CCDC90B: variants seen among roughly 807,000 people sequenced by gnomAD.
CCDC90B encodes coiled-coil domain containing 90B.
Under a neutral mutation model 37.0 loss-of-function variants are expected in CCDC90B, and 24 were observed. The ratio of observed to expected loss-of-function variants is 0.65; its 90% CI spans 0.47 to 0.91. The LOEUF (loss-of-function observed/expected upper bound fraction) is 0.91, where lower values mean the gene tolerates loss of function less well. Ranked by LOEUF, CCDC90B falls within the 40% of genes least tolerant of loss-of-function variation. The pLI is 0.00. For missense variants in CCDC90B, 319 were observed against 299.0 expected (o/e 1.07, Z -0.49); for synonymous variants, 113 against 101.1 (o/e 1.12, Z -0.71).
At chr11:83,285,827 T>G in intron 1 of CCDC90B, 46 bp downstream of exon 1, 1 of 1,574,054 alleles carries the variant, frequency 6.4e-7, no homozygotes, top group Non-Finnish European at 8.6e-7. Flanking sequence ...GGGCATCGTC[T>G]CCCTAGAGAG....
At chr11:83,275,694 C>A (rs1436373259) in intron 3 of CCDC90B, among the ~76,000 whole-genome samples, 1 of 152,090 alleles carries the variant, frequency 6.6e-6, no homozygotes, top group Non-Finnish European at 1.5e-5. Context: ...CTCTGTATAA[C>A]AGTTTAGAAA....
chr11:83,271,622 C>G (rs1024961813), intron 7 of CCDC90B, among the ~76,000 whole-genome samples: 16 of 152,212 alleles, frequency 1.1e-4, no homozygotes, highest in Non-Finnish European at 2.4e-4. Context: ...ACAACAGATG[C>G]TGGAGAGGAT....
chr11:83,266,589 C>G (rs1389879804), intron 7 of CCDC90B, among the ~76,000 whole-genome samples: 2 of 152,196 alleles, frequency 1.3e-5, no homozygotes, highest in Non-Finnish European at 2.9e-5. Context: ...AGTAGGTAAA[C>G]AAAGTGGCAG....
intron 3 of CCDC90B, among the ~76,000 whole-genome samples, chr11:83,277,267 A>C (rs1565216938): frequency 6.6e-6 from 1 of 152,228 alleles, no homozygotes; most frequent in African/African-American, 2.4e-5. Context: ...TATTAAAAGT[A>C]TCAGTAGCTC....
chr11:83,259,299 C>G lies in CCDC90B; in HGVS notation c.*2612G>C, dbSNP rs2135572548. Reference sequence around the variant, plus strand: ...ATCCTTATTTCATATATTTCCATCACTGAAACAAAAATTTACCTGAACCCC... The same window carrying G: ...ATCCTTATTTCATATATTTCCATCAGTGAAACAAAAATTTACCTGAACCCC... On this transcript the variant is annotated 3_prime_UTR_variant, in exon 9 of 9. Coordinates refer to ENST00000529689, the MANE Select transcript of CCDC90B (RefSeq NM_021825.5). The G allele has an allele frequency of 6.6e-6, 1 of 152,200 alleles. No homozygotes were observed. Among genetic ancestry groups the G allele is most frequent in the South Asian group, 2.1e-4 (1 of 4,820 alleles). The allele number at this position is 152,200 out of a possible 1,614,324, so 9.4% of individuals were successfully genotyped here.
intron 1 of CCDC90B, 133 bp downstream of exon 1, chr11:83,285,740 G>C: frequency 6.9e-7 from 1 of 1,455,880 alleles, no homozygotes; most frequent in Non-Finnish European, 9.0e-7. Flanking sequence ...CAGCGGCGTC[G>C]CCCAGCACAA....
At chr11:83,273,617 CAA>C (rs760085416) in intron 7 of CCDC90B, 28 bp downstream of exon 7, 2 of 1,524,516 alleles carry the variant, frequency 1.3e-6, no homozygotes, top group Non-Finnish European at 1.8e-6. Flanking sequence ...AAGAACTGTA[CAA>C]AAGAGACATT....
At chr11:83,264,465 T>C (rs1464796849) in intron 8 of CCDC90B, among the ~76,000 whole-genome samples, 1 of 152,160 alleles carries the variant, frequency 6.6e-6, no homozygotes, top group East Asian at 1.9e-4. Flanking sequence ...TATGAATAAT[T>C]TATAATGAAA....
intron 1 of CCDC90B, chr11:83,285,546 A>AG (rs1445292508): frequency 2.8e-5 from 33 of 1,197,154 alleles, no homozygotes; most frequent in Admixed American, 8.7e-5. Context: ...CCTCAAACAC[A>AG]GATTACCTTA....
chr11:83,264,493 TTTTC>T (rs1160422155), intron 8 of CCDC90B, among the ~76,000 whole-genome samples: 1 of 152,114 alleles, frequency 6.6e-6, no homozygotes, highest in African/African-American at 2.4e-5. Context: ...TTGAAAATTC[TTTTC>T]TTTAAGAATG....
chr11:83,274,140 T>C (rs1864876844), intron 4 of CCDC90B, 148 bp from the exon 5 acceptor site: 2 of 466,808 alleles, frequency 4.3e-6, no homozygotes, highest in South Asian at 8.0e-5. Context: ...CAAAAGAAAC[T>C]AGTAAGCCAC....
intron 1 of CCDC90B, among the ~76,000 whole-genome samples, chr11:83,282,032 G>A (rs1865412301): frequency 1.3e-5 from 2 of 152,132 alleles, no homozygotes; most frequent in African/African-American, 4.8e-5. Flanking sequence ...AGCTTGTCGA[G>A]AACACTTACG....
chr11:83,275,053 A>G (rs991093761), intron 3 of CCDC90B, among the ~76,000 whole-genome samples: 4 of 152,164 alleles, frequency 2.6e-5, no homozygotes, highest in African/African-American at 9.7e-5. Context: ...TTTTTTGAAT[A>G]CCCAGATGGA....
chr11:83,274,643 T>C lies in CCDC90B; in HGVS notation c.422A>G (p.Asn141Ser), dbSNP rs765221940. ...ATAAATTAAAATTTGTATCACCTCA[T>C]TCTCTGCTCTCAGATTTGCAAATTC... Reference protein sequence around the residue: ...KSEFANLRAENEKMKIELDQV... With the variant: ...KSEFANLRAESEKMKIELDQV... Residue 141 changes from asparagine to serine, a missense_variant, in exon 4 of 9, where the codon AAT becomes AGT. Transcript: ENST00000529689. 7.5e-6 allele frequency: 12 copies of C among 1,591,480 alleles called. No homozygotes were observed. The highest frequency in any genetic ancestry group is 1.0e-5 in the Non-Finnish European group (12 of 1,164,686).
At chr11:83,275,987 G>A (rs1865003827) in intron 3 of CCDC90B, among the ~76,000 whole-genome samples, 5 of 152,258 alleles carry the variant, frequency 3.3e-5, no homozygotes, top group Admixed American at 3.3e-4. Flanking sequence ...TCTAATGGCT[G>A]AAGCAGGATA....
rs1007257328 is a variant in CCDC90B at position 83,285,695 on chromosome 11, C to A, written c.100+178G>T. 6 of 1,432,274 alleles carry A rather than the reference C, an allele frequency of 4.2e-6. No individual in the cohort carries two copies. The Admixed American group carries it at 1.2e-4, about 27-fold the overall frequency. 88.7% of individuals were successfully genotyped at this position (1,432,274 alleles called of 1,614,324 possible). On this transcript the variant is annotated intron_variant, in intron 1 of 8. Coordinates refer to ENST00000529689, the MANE Select transcript of CCDC90B (RefSeq NM_021825.5). ...AGGCAGTGCTTTCCTCAGTCCTCGC[C>A]CCTTGGGGCGAGCTGGGCAAGTCGG...
At chr11:83,281,517 G>C (rs781242167) in intron 1 of CCDC90B, among the ~76,000 whole-genome samples, 7 of 152,102 alleles carry the variant, frequency 4.6e-5, no homozygotes, top group Non-Finnish European at 7.4e-5. Context: ...AGAGATAAAA[G>C]CAAGTAGCTG....
At chr11:83,262,003 C>T (rs645954) in intron 8 of CCDC90B, 37 bp from the exon 9 acceptor site, 940,899 of 1,405,464 alleles carry the variant, frequency 0.67, 319,801 homozygotes, top group African/African-American at 0.85. Flanking sequence ...GGTCTTGTAT[C>T]TGTAATTATT....
At chr11:83,273,914 G>C in intron 5 of CCDC90B, 37 bp downstream of exon 5, 1 of 1,590,482 alleles carries the variant, frequency 6.3e-7, no homozygotes, top group Non-Finnish European at 8.5e-7. Flanking sequence ...ACGAATATTT[G>C]TTCTGAAATT....
Sources: allele counts gnomAD v4.1 joint callset (sites outside exome capture counted in the v4.1 genomes callset), GRCh38; gene constraint gnomAD v4.1.1; transcripts MANE v1.5; gene names NCBI Gene and HGNC (gene_info 2026-07-23, HGNC 2026-07-21).